Variants in TRERF1 observed in about 807,000 individuals in gnomAD.
The protein encoded by TRERF1 is transcriptional-regulating factor 1.
A neutral mutation model predicts 122.9 loss-of-function variants in TRERF1; 27 were observed. That is an observed-to-expected ratio of 0.22 (90% CI 0.16 to 0.30). The LOEUF is 0.30. TRERF1 is among the 10% of genes least tolerant of loss of function. The pLI is 1.00. For missense variants in TRERF1, 1,248 were observed against 1,560.3 expected, an observed-to-expected ratio of 0.80 and a Z score of 3.37; for synonymous variants, 636 against 641.7, an observed-to-expected ratio of 0.99 and a Z score of 0.13.
chr6:42,264,618 G>A, intron 7 of TRERF1, 86 bp downstream of exon 7: 1 of 1,551,044 alleles, frequency 6.4e-7, no homozygotes, highest in Non-Finnish European at 8.7e-7. Context: ...TCCCGCATGG[G>A]GCTCACATCA....
At chr6:42,264,636 T>C in intron 7 of TRERF1, 68 bp downstream of exon 7, 1 of 1,578,916 alleles carries the variant, frequency 6.3e-7, no homozygotes. Context: ...TCACTCTCTG[T>C]CTGACGGCAG....
At chr6:42,260,627 C>T (rs1349779277) in intron 8 of TRERF1, among the ~76,000 whole-genome samples, 2 of 152,090 alleles carry the variant, frequency 1.3e-5, no homozygotes, top group Non-Finnish European at 2.9e-5. Context: ...GGAGGGGCCA[C>T]GGGGATACCT....
intron 3 of TRERF1, among the ~76,000 whole-genome samples, chr6:42,324,385 C>T (rs1299192928): frequency 6.6e-6 from 1 of 152,152 alleles, no homozygotes; most frequent in Non-Finnish European, 1.5e-5. Flanking sequence ...TCATTTTTCA[C>T]AGAATTTGAA....
intron 2 of TRERF1, among the ~76,000 whole-genome samples, chr6:42,420,694 C>A (rs1782635240): frequency 6.6e-6 from 1 of 152,102 alleles, no homozygotes; most frequent in Non-Finnish European, 1.5e-5. Flanking sequence ...TATAAACAAA[C>A]CTAAATATGT....
chr6:42,362,575 C>T (rs1204948259), intron 3 of TRERF1, among the ~76,000 whole-genome samples: 3 of 152,242 alleles, frequency 2.0e-5, no homozygotes, highest in African/African-American at 4.8e-5. Flanking sequence ...CTGATAAAAA[C>T]GCGAGGAATG....
At chr6:42,334,337 C>T (rs2150609942) in intron 3 of TRERF1, among the ~76,000 whole-genome samples, 1 of 152,306 alleles carries the variant, frequency 6.6e-6, no homozygotes, top group South Asian at 2.1e-4. Flanking sequence ...TCTGCAACAA[C>T]TTCCACCATT....
chr6:42,270,132 G>C (rs1419798415), intron 4 of TRERF1, among the ~76,000 whole-genome samples: 1 of 152,168 alleles, frequency 6.6e-6, no homozygotes, highest in Non-Finnish European at 1.5e-5. Context: ...GCTGCACTGA[G>C]TTATGACTGC....
At chr6:42,450,086 G>C (rs1395770834) in intron 2 of TRERF1, among the ~76,000 whole-genome samples, 1 of 152,212 alleles carries the variant, frequency 6.6e-6, no homozygotes, top group Admixed American at 6.5e-5. Context: ...AGTAGGCTGA[G>C]GACCAAGAAA....
chr6:42,351,069 A>C (rs1264911415), intron 3 of TRERF1, among the ~76,000 whole-genome samples: 2 of 152,186 alleles, frequency 1.3e-5, no homozygotes, highest in African/African-American at 4.8e-5. Flanking sequence ...TAGTAAGCAA[A>C]GCTTGCAAAC....
Position 42,418,517 on chromosome 6 carries a change from C to T in TRERF1, c.-454+32660G>A, listed in dbSNP as rs567521775. Among the ~76,000 whole-genome samples the T allele has an allele frequency of 1.6e-4, 25 of 152,094 alleles. No homozygotes were observed. The South Asian group carries it at 2.3e-3, about 14-fold the overall frequency. On this transcript the variant is annotated intron_variant, in intron 2 of 17. Transcript: ENST00000372922. ...AACTCCTGACATCAGGTGATCCACC[C>T]GCCTCAGCCTCCCAAAGTGCTGGGG...
chr6:42,345,730 A>C (rs1244745247), intron 3 of TRERF1, among the ~76,000 whole-genome samples: 1 of 152,250 alleles, frequency 6.6e-6, no homozygotes, highest in East Asian at 1.9e-4. Context: ...CCAGTATTAA[A>C]CTGGAAGTCA....
intron 2 of TRERF1, among the ~76,000 whole-genome samples, chr6:42,387,220 A>G (rs1433764453): frequency 1.3e-5 from 2 of 152,258 alleles, no homozygotes; most frequent in Admixed American, 6.5e-5. Context: ...AAGAAATGTT[A>G]TCTATTTCCT....
intron 14 of TRERF1, 24 bp downstream of exon 14, chr6:42,246,432 G>T: frequency 1.3e-6 from 2 of 1,499,132 alleles, no homozygotes; most frequent in Non-Finnish European, 1.8e-6. Context: ...ATTTCAAGGG[G>T]GCAATGGGAA....
intron 4 of TRERF1, among the ~76,000 whole-genome samples, chr6:42,282,885 A>C (rs1488678412): frequency 6.6e-6 from 1 of 152,192 alleles, no homozygotes; most frequent in Non-Finnish European, 1.5e-5. Flanking sequence ...TTGTCAACTG[A>C]TCAGTATATA....
intron 13 of TRERF1, among the ~76,000 whole-genome samples, chr6:42,251,699 C>G (rs953319022): frequency 6.6e-6 from 1 of 152,156 alleles, no homozygotes; most frequent in African/African-American, 2.4e-5. Context: ...ATTCTGTCTC[C>G]TCATCTAACT....
chr6:42,360,772 A>T lies in TRERF1; in HGVS notation c.-371+2225T>A, dbSNP rs960324480. 4.6e-4 allele frequency among the ~76,000 whole-genome samples: 5 copies of T among 10,976 alleles called. No homozygotes were observed. In the East Asian group the frequency reaches 0.014, roughly 31 times the overall value. The allele number at this position is 10,976 out of a possible 152,430, so 7.2% of individuals were successfully genotyped here. The stretch of plus-strand genomic sequence containing the variant: ...CCAGGGAGGAAGGAGTGGAGAGATT[A>T]AAAAAAAAAAAAAAAAAAAAAAAAA... On this transcript the variant is annotated intron_variant, in intron 3 of 17. Coordinates refer to ENST00000372922, the Ensembl canonical transcript of TRERF1.
At chr6:42,333,425 C>T (rs1262103186) in intron 3 of TRERF1, among the ~76,000 whole-genome samples, 3 of 152,168 alleles carry the variant, frequency 2.0e-5, no homozygotes, top group Admixed American at 1.3e-4. Context: ...CCTTTGTTAT[C>T]CAAAGGACCC....
At chr6:42,287,815 A>G (rs34878665) in intron 4 of TRERF1, among the ~76,000 whole-genome samples, 1 of 151,848 alleles carries the variant, frequency 6.6e-6, no homozygotes, top group South Asian at 2.1e-4. Flanking sequence ...TCCAGCCCTG[A>G]CACACCACCC....
At chr6:42,426,272 TA>T (rs1188597757) in intron 2 of TRERF1, among the ~76,000 whole-genome samples, 1 of 152,160 alleles carries the variant, frequency 6.6e-6, no homozygotes, top group East Asian at 1.9e-4. Context: ...ATGTAGCCAC[TA>T]AAATTATATA....
Sources: allele counts gnomAD v4.1 joint callset (sites outside exome capture counted in the v4.1 genomes callset), GRCh38; gene constraint gnomAD v4.1.1; transcripts MANE v1.5; gene names NCBI Gene and HGNC (gene_info 2026-07-23, HGNC 2026-07-21).